The following CCSER1 variants were observed in gnomAD, a reference collection of about 807,000 sequenced individuals.
CCSER1 encodes the protein serine-rich coiled-coil domain-containing protein 1.
A neutral mutation model predicts 82.0 loss-of-function variants in CCSER1; 41 were observed. That is an observed-to-expected ratio of 0.50 (90% confidence interval 0.39 to 0.65). The LOEUF is 0.65. CCSER1 is among the 30% of genes least tolerant of loss of function. The probability of loss-of-function intolerance (pLI) is 0.00; values close to 1 mark genes in which losing one functional copy is unlikely to be tolerated. For synonymous variants in CCSER1, 414 were observed against 383.9 expected, an observed-to-expected ratio of 1.08 and a Z score of -0.92; for missense variants, 1,119 against 1,064.2, an observed-to-expected ratio of 1.05 and a Z score of -0.72.
intron 8 of CCSER1, among the ~76,000 whole-genome samples, chr4:90,823,865 A>G (rs1427816831): frequency 6.6e-6 from 1 of 151,944 alleles, no homozygotes; most frequent in Non-Finnish European, 1.5e-5. Context: ...TTTTTATTAA[A>G]CAAATATTAC....
intron 9 of CCSER1, among the ~76,000 whole-genome samples, chr4:91,045,260 TTA>T (rs1197768540): frequency 6.6e-6 from 1 of 152,216 alleles, no homozygotes; most frequent in Non-Finnish European, 1.5e-5. Context: ...TTTTAAAAAT[TTA>T]GTTGTTAAAA....
chr4:90,749,633 T>C (rs1315029873), intron 7 of CCSER1, among the ~76,000 whole-genome samples: 2 of 152,134 alleles, frequency 1.3e-5, no homozygotes, highest in Non-Finnish European at 2.9e-5. Flanking sequence ...TTGGGCAGTA[T>C]GGCCATTTTC....
At chr4:90,728,572 C>T (rs1264860833) in intron 7 of CCSER1, among the ~76,000 whole-genome samples, 11 of 152,060 alleles carry the variant, frequency 7.2e-5, no homozygotes, top group Admixed American at 6.6e-4. Context: ...TAGTGGCTCA[C>T]CCCTCTAATT....
chr4:90,653,708 C>G (rs547857073), intron 6 of CCSER1, among the ~76,000 whole-genome samples: 1 of 151,904 alleles, frequency 6.6e-6, no homozygotes, highest in Non-Finnish European at 1.5e-5. Flanking sequence ...AAATTGTTTC[C>G]TTATTGAGTG....
chr4:90,471,741 G>A (rs892627469), intron 5 of CCSER1, among the ~76,000 whole-genome samples: 3 of 151,308 alleles, frequency 2.0e-5, no homozygotes, highest in Non-Finnish European at 4.4e-5. Flanking sequence ...TTGGGAGGCC[G>A]AGGCGGGCGG....
At chr4:90,669,663 G>A (rs1006095194) in intron 6 of CCSER1, among the ~76,000 whole-genome samples, 20 of 152,128 alleles carry the variant, frequency 1.3e-4, no homozygotes, top group Admixed American at 8.5e-4. Flanking sequence ...TTTAGGAGTC[G>A]TTGACTAAAG....
chr4:90,886,015 C>T (rs1293943000), intron 8 of CCSER1, among the ~76,000 whole-genome samples: 2 of 152,088 alleles, frequency 1.3e-5, no homozygotes, highest in African/African-American at 4.8e-5. Flanking sequence ...CCCCCAAGAG[C>T]TGTTCCTCAT....
At chr4:90,718,937 A>G (rs1281259842) in intron 6 of CCSER1, among the ~76,000 whole-genome samples, 1 of 152,120 alleles carries the variant, frequency 6.6e-6, no homozygotes, top group African/African-American at 2.4e-5. Context: ...GTGCATTACT[A>G]TTAACTCAAC....
intron 10 of CCSER1, among the ~76,000 whole-genome samples, chr4:91,148,567 G>A (rs1261563696): frequency 6.6e-6 from 1 of 152,022 alleles, no homozygotes; most frequent in Non-Finnish European, 1.5e-5. Context: ...CATATGCCAT[G>A]TTGGTGTGCT....
intron 3 of CCSER1, among the ~76,000 whole-genome samples, chr4:90,372,325 A>C (rs1747580114): frequency 6.6e-6 from 1 of 152,216 alleles, no homozygotes; most frequent in Admixed American, 6.5e-5. Context: ...TTAAAATTTG[A>C]GTAGCAATGA....
intron 1 of CCSER1, among the ~76,000 whole-genome samples, chr4:90,196,028 T>C (rs567173495): frequency 7.2e-5 from 11 of 152,162 alleles, no homozygotes; most frequent in Middle Eastern, 3.4e-3. Flanking sequence ...AACCCAGATA[T>C]TGTTCAGGGT....
At chr4:90,827,818 T>C (rs991540184) in intron 8 of CCSER1, among the ~76,000 whole-genome samples, 2 of 152,142 alleles carry the variant, frequency 1.3e-5, no homozygotes, top group Admixed American at 1.3e-4. Flanking sequence ...GGAGAATAGT[T>C]ACACAAATTT....
At chr4:91,387,944 T>A (rs1032813798) in intron 10 of CCSER1, among the ~76,000 whole-genome samples, 2 of 152,118 alleles carry the variant, frequency 1.3e-5, no homozygotes, top group Admixed American at 6.6e-5. Flanking sequence ...AGAAAAAAAA[T>A]GTTACTTGCA....
chr4:90,891,791 A>G (rs1187933554), intron 8 of CCSER1, among the ~76,000 whole-genome samples: 1 of 151,882 alleles, frequency 6.6e-6, no homozygotes, highest in African/African-American at 2.4e-5. Context: ...CAGTACATTC[A>G]CTCCTATTTT....
At position 90,308,796 on chromosome 4, in the gene CCSER1, G is replaced by C. The variant is rs748810862; in HGVS notation, c.512G>C (p.Arg171Pro). ...GGTTTCACAGAAGACCAAACTCGTC[G>C]TTCTGTTAAGCAGTCAACAAGGAAG... The part of the protein sequence containing the change: ...DSGFTEDQTR[R>P]SVKQSTRKLL... Residue 171 changes from arginine to proline, a missense_variant, in exon 2 of 11, where the codon CGT becomes CCT. Transcript: ENST00000509176. 120 of 1,613,648 alleles carry C rather than the reference G, an allele frequency of 7.4e-5. No homozygotes were observed. In the East Asian group the frequency reaches 2.6e-3, roughly 35 times the overall value.
intron 5 of CCSER1, among the ~76,000 whole-genome samples, chr4:90,554,061 C>A (rs1285055028): frequency 6.6e-6 from 1 of 152,052 alleles, no homozygotes; most frequent in East Asian, 1.9e-4. Flanking sequence ...GGAGAGAACA[C>A]CATATAAATA....
At chr4:91,471,794 C>T (rs2149444547) in intron 10 of CCSER1, among the ~76,000 whole-genome samples, 1 of 151,820 alleles carries the variant, frequency 6.6e-6, no homozygotes, top group South Asian at 2.1e-4. Context: ...ACAGTGAAAC[C>T]TTGTCTCTAC....
chr4:90,878,140 C>A (rs781086077), intron 8 of CCSER1, among the ~76,000 whole-genome samples: 1 of 152,058 alleles, frequency 6.6e-6, no homozygotes. Flanking sequence ...ACTATTTATC[C>A]TTAATGACCT....
rs140748053 is a variant in CCSER1 at position 90,591,386 on chromosome 4, A to T, written c.1725-36639A>T. Among the ~76,000 whole-genome samples, 1,205 of 152,266 alleles carry T rather than the reference A, an allele frequency of 7.9e-3. 12 individuals are homozygous for T. The highest frequency in any genetic ancestry group is 0.028 in the African/African-American group (1,150 of 41,544). The stretch of plus-strand genomic sequence containing the variant: ...TGACTTTCAAGGAGAATATGAACAG[A>T]CACTTCTCAAAAGAAGACATTGATG... On this transcript the variant is annotated intron_variant, in intron 5 of 10. Coordinates refer to ENST00000509176, the MANE Select transcript of CCSER1 (RefSeq NM_001145065.2).
Sources: allele counts gnomAD v4.1 joint callset (sites outside exome capture counted in the v4.1 genomes callset), GRCh38; gene constraint gnomAD v4.1.1; transcripts MANE v1.5; gene names NCBI Gene and HGNC (gene_info 2026-07-23, HGNC 2026-07-21).